MDGA2: variants seen among roughly 807,000 people sequenced by gnomAD.
The protein encoded by MDGA2 is MAM domain containing glycosylphosphatidylinositol anchor 2, also known as MAM domain-containing glycosylphosphatidylinositol anchor protein 2.
A neutral mutation model predicts 117.8 loss-of-function variants in MDGA2; 40 were observed. The observed-to-expected ratio is 0.34, with a 90% confidence interval of 0.26 to 0.44. The LOEUF (loss-of-function observed/expected upper bound fraction) is 0.44, where lower values mean the gene tolerates loss of function less well. MDGA2 is among the 20% of genes least tolerant of loss of function. The pLI is 1.00. For synonymous variants in MDGA2, 452 were observed against 439.0 expected (o/e 1.03, Z -0.37); for missense variants, 1,123 against 1,250.6 (o/e 0.90, Z 1.54).
At chr14:47,610,346 T>C (rs1594942443) in intron 1 of MDGA2, among the ~76,000 whole-genome samples, 1 of 152,038 alleles carries the variant, frequency 6.6e-6, no homozygotes, top group East Asian at 1.9e-4. Flanking sequence ...AGTAAGGGCA[T>C]CCAAACTGGT....
intron 7 of MDGA2, among the ~76,000 whole-genome samples, chr14:47,060,278 A>G (rs751955013): frequency 6.6e-6 from 1 of 152,046 alleles, no homozygotes; most frequent in Admixed American, 6.6e-5. Flanking sequence ...TGAATCATAA[A>G]CTTCTATTCT....
rs143401370 is a variant in MDGA2, at chr14:46,876,393, T to C, written c.2437+1096A>G. On this transcript the variant is annotated intron_variant, in intron 12 of 16. Coordinates refer to ENST00000399232, the MANE Select transcript of MDGA2 (RefSeq NM_001113498.3). ...GTTTATTAGAATAAAGAATATCTGA[T>C]AGATAATGATAACGCAATGAGCTGT... is the stretch of plus-strand genomic sequence containing the variant. Among the ~76,000 whole-genome samples the C allele has an allele frequency of 2.2e-3, 339 of 151,572 alleles. 1 individual carries two copies. Among genetic ancestry groups the C allele is most frequent in the African/African-American group, 7.8e-3 (323 of 41,510 alleles).
chr14:46,944,583 A>G (rs1437937604), intron 9 of MDGA2, among the ~76,000 whole-genome samples: 1 of 151,862 alleles, frequency 6.6e-6, no homozygotes, highest in Non-Finnish European at 1.5e-5. Context: ...GTTTTCAACT[A>G]TTTTATATTG....
In MDGA2 at chr14:47,469,712, C is replaced by T. The variant is rs1374313445; in HGVS notation, c.281-168162G>A. On this transcript the variant is annotated intron_variant, in intron 1 of 16. Coordinates refer to ENST00000399232, the MANE Select transcript of MDGA2 (RefSeq NM_001113498.3). ...TCAAATGGTATTTTTAGTTCAAGATCCCTGAGGAATCGCCACACTGACTTC... is the reference window on the plus strand; with the variant it reads ...TCAAATGGTATTTTTAGTTCAAGATTCCTGAGGAATCGCCACACTGACTTC... 2.0e-5 allele frequency among the ~76,000 whole-genome samples: 3 copies of T among 152,144 alleles called. No homozygotes were observed. In the South Asian group the frequency reaches 6.2e-4, roughly 32 times the overall value.
Position 47,106,908 on chromosome 14 carries a change from CT to C in MDGA2, c.926-9786del, listed in dbSNP as rs1283056507. 9.9e-5 allele frequency among the ~76,000 whole-genome samples: 13 copies of C among 131,036 alleles called. 1 individual carries two copies. Among genetic ancestry groups the C allele is most frequent in the South Asian group, 4.5e-4 (2 of 4,482 alleles). 86.0% of individuals were successfully genotyped at this position (131,036 alleles called of 152,430 possible). On this transcript the variant is annotated intron_variant, in intron 5 of 16. Transcript: ENST00000399232. ...TTAGACAATACTCTTTTAAGCACTCCTTTTTAGTTATCCCCACCTGCCCAGT... is the reference window on the plus strand; with the variant it reads ...TTAGACAATACTCTTTTAAGCACTCCTTTTAGTTATCCCCACCTGCCCAGT...
At chr14:47,324,274 G>A (rs1890076146) in intron 1 of MDGA2, among the ~76,000 whole-genome samples, 1 of 152,060 alleles carries the variant, frequency 6.6e-6, no homozygotes. Flanking sequence ...TCTGAGTGAT[G>A]CAAAAGTATA....
chr14:47,507,614 A>G (rs1194661907), intron 1 of MDGA2, among the ~76,000 whole-genome samples: 2 of 152,212 alleles, frequency 1.3e-5, no homozygotes, highest in African/African-American at 2.4e-5. Flanking sequence ...AGACACTAGA[A>G]AAAGAAAGGT....
intron 1 of MDGA2, among the ~76,000 whole-genome samples, chr14:47,345,916 G>C (rs190104604): frequency 3.2e-4 from 49 of 151,872 alleles, no homozygotes; most frequent in Admixed American, 1.2e-3. Context: ...GTAGAACAGA[G>C]GACACTAAAG....
At chr14:47,271,654 T>C (rs1888147596) in intron 2 of MDGA2, among the ~76,000 whole-genome samples, 1 of 152,126 alleles carries the variant, frequency 6.6e-6, no homozygotes, top group Non-Finnish European at 1.5e-5. Flanking sequence ...AATAAGTCAT[T>C]TAAGCTACAG....
At chr14:47,628,170 T>C (rs1366523390) in intron 1 of MDGA2, among the ~76,000 whole-genome samples, 1 of 152,210 alleles carries the variant, frequency 6.6e-6, no homozygotes, top group Non-Finnish European at 1.5e-5. Context: ...CCATCACTTA[T>C]CTCCAGGTCT....
At chr14:47,161,594 C>T (rs932847916) in intron 3 of MDGA2, among the ~76,000 whole-genome samples, 4 of 151,396 alleles carry the variant, frequency 2.6e-5, no homozygotes, top group Non-Finnish European at 5.9e-5. Context: ...AGAGAATACC[C>T]AAGAAGAGGT....
chr14:47,209,430 G>A (rs962618788), intron 3 of MDGA2, among the ~76,000 whole-genome samples: 4 of 152,092 alleles, frequency 2.6e-5, no homozygotes, highest in African/African-American at 9.7e-5. Context: ...CAGGTGCAGA[G>A]CAACTGAGGG....
chr14:47,173,208 A>G (rs1470041662), intron 3 of MDGA2, among the ~76,000 whole-genome samples: 1 of 152,230 alleles, frequency 6.6e-6, no homozygotes, highest in Admixed American at 6.5e-5. Context: ...GAATGGAACC[A>G]AGTTGGAAAA....
At chr14:47,510,343 G>A (rs1307943551) in intron 1 of MDGA2, among the ~76,000 whole-genome samples, 4 of 152,148 alleles carry the variant, frequency 2.6e-5, no homozygotes, top group Non-Finnish European at 5.9e-5. Flanking sequence ...CCAGTCTATA[G>A]AACTTTATTA....
At chr14:47,201,473 AC>A (rs1885504238) in intron 3 of MDGA2, among the ~76,000 whole-genome samples, 1 of 152,114 alleles carries the variant, frequency 6.6e-6, no homozygotes, top group Non-Finnish European at 1.5e-5. Context: ...TGCCTGGTGC[AC>A]CTACTCATCA....
At chr14:47,281,557 C>A (rs1053314838) in intron 2 of MDGA2, among the ~76,000 whole-genome samples, 3 of 152,084 alleles carry the variant, frequency 2.0e-5, no homozygotes, top group Admixed American at 1.3e-4. Flanking sequence ...TCTGGTTGCA[C>A]CATTCTTAGG....
At chr14:47,043,892 T>A (rs1889165086) in intron 7 of MDGA2, among the ~76,000 whole-genome samples, 1 of 152,168 alleles carries the variant, frequency 6.6e-6, no homozygotes, top group African/African-American at 2.4e-5. Flanking sequence ...TTCTATTTAC[T>A]CTTTTCTGAT....
chr14:47,118,939 T>C (rs1247245965), intron 5 of MDGA2, among the ~76,000 whole-genome samples: 2 of 152,158 alleles, frequency 1.3e-5, no homozygotes, highest in Non-Finnish European at 2.9e-5. Context: ...GGTCTCACTA[T>C]ATTGCCCAGG....
intron 9 of MDGA2, among the ~76,000 whole-genome samples, chr14:46,930,114 G>A (rs560397071): frequency 2.0e-5 from 3 of 150,588 alleles, no homozygotes; most frequent in South Asian, 2.1e-4. Flanking sequence ...ACCCAAAGAA[G>A]AAAAAAAAAC....
Sources: allele counts gnomAD v4.1 joint callset (sites outside exome capture counted in the v4.1 genomes callset), GRCh38; gene constraint gnomAD v4.1.1; transcripts MANE v1.5; gene names NCBI Gene and HGNC (gene_info 2026-07-23, HGNC 2026-07-21).